CALCRL: variants seen among roughly 807,000 people sequenced by gnomAD.
The protein encoded by CALCRL is calcitonin gene-related peptide type 1 receptor.
Under a neutral mutation model 60.4 loss-of-function variants are expected in CALCRL, and 27 were observed. The ratio of observed to expected loss-of-function variants is 0.45; its 90% confidence interval spans 0.33 to 0.62. CALCRL has a LOEUF of 0.62. CALCRL is among the 20% of genes least tolerant of loss of function. The pLI, the probability that CALCRL is intolerant of heterozygous loss-of-function variation, is 0.03. For missense variants in CALCRL, 424 were observed against 540.7 expected (o/e 0.78, Z 2.14); for synonymous variants, 190 against 182.6 (o/e 1.04, Z -0.33).
In CALCRL at chr2:187,344,233, G is replaced by A. The variant is rs539134541; in HGVS notation, c.*1951C>T. ...TATGGCAGCTTGCTATGAAATTCATGTTTCAAACAAAACAATACTTTTTCA... is the reference window on the plus strand; with the variant it reads ...TATGGCAGCTTGCTATGAAATTCATATTTCAAACAAAACAATACTTTTTCA... On this transcript the variant is annotated 3_prime_UTR_variant, in exon 15 of 15. Transcript: ENST00000392370. 28 of 151,752 alleles carry A rather than the reference G, an allele frequency of 1.8e-4. No individual in the cohort carries two copies. Among genetic ancestry groups the A allele is most frequent in the Non-Finnish European group, 3.3e-4 (22 of 67,672 alleles). 9.4% of individuals were successfully genotyped at this position (151,752 alleles called of 1,614,324 possible).
rs114131506 is a variant in CALCRL at position 187,345,676 on chromosome 2, C to T, written c.*508G>A. On this transcript the variant is annotated 3_prime_UTR_variant, in exon 15 of 15. Coordinates refer to ENST00000392370, the MANE Select transcript of CALCRL (RefSeq NM_005795.6). ...GAGAGGGTAGTTACAAAAAGGACTA[C>T]GGCACTCTGGGCAAAAAAAAAGTCA... 1,403 of 112,788 alleles carry T rather than the reference C, an allele frequency of 0.012. 20 individuals are homozygous for T. The highest frequency in any genetic ancestry group is 0.037 in the African/African-American group (1,317 of 35,894). The allele number at this position is 112,788 out of a possible 1,614,324, so 7.0% of individuals were successfully genotyped here.
At chr2:187,382,344 C>T (rs1688017312) in intron 5 of CALCRL, among the ~76,000 whole-genome samples, 1 of 152,100 alleles carries the variant, frequency 6.6e-6, no homozygotes, top group African/African-American at 2.4e-5. Context: ...TGCAATGATT[C>T]CAAACTTCTC....
intron 8 of CALCRL, among the ~76,000 whole-genome samples, chr2:187,365,607 A>G (rs1687243328): frequency 6.6e-6 from 1 of 152,216 alleles, no homozygotes; most frequent in Admixed American, 6.5e-5. Context: ...ACTATGACGA[A>G]AAGATTGAGA....
chr2:187,420,557 G>A (rs1257713846), intron 1 of CALCRL, among the ~76,000 whole-genome samples: 1 of 151,812 alleles, frequency 6.6e-6, no homozygotes, highest in African/African-American at 2.4e-5. Context: ...CAATAAATCA[G>A]TAGGGCCTCA....
At chr2:187,389,061 T>C (rs887325337) in intron 1 of CALCRL, among the ~76,000 whole-genome samples, 7 of 98,986 alleles carry the variant, frequency 7.1e-5, no homozygotes, top group Non-Finnish European at 1.3e-4. Context: ...TCTCTATTAC[T>C]TCTTCTTCTT....
At chr2:187,350,310 A>G (rs1686469005) in intron 14 of CALCRL, among the ~76,000 whole-genome samples, 1 of 151,584 alleles carries the variant, frequency 6.6e-6, no homozygotes, top group South Asian at 2.1e-4. Flanking sequence ...CATCCTATAC[A>G]AGTAGCATTT....
intron 1 of CALCRL, among the ~76,000 whole-genome samples, chr2:187,389,397 A>C (rs969444667): frequency 3.3e-5 from 5 of 152,032 alleles, no homozygotes; most frequent in Non-Finnish European, 7.4e-5. Flanking sequence ...AATAATCACT[A>C]GTATGTTTCT....
intron 1 of CALCRL, among the ~76,000 whole-genome samples, chr2:187,416,917 C>T (rs1689638490): frequency 6.6e-6 from 1 of 152,058 alleles, no homozygotes; most frequent in South Asian, 2.1e-4. Context: ...GTTGATTTGA[C>T]TTCACCTAGG....
intron 1 of CALCRL, among the ~76,000 whole-genome samples, chr2:187,432,286 C>T (rs893945957): frequency 9.2e-5 from 14 of 152,120 alleles, no homozygotes; most frequent in African/African-American, 3.4e-4. Flanking sequence ...GCTAGTTTAC[C>T]TTGCTTTGCA....
intron 14 of CALCRL, among the ~76,000 whole-genome samples, chr2:187,348,112 C>T (rs923446448): frequency 6.6e-6 from 1 of 151,614 alleles, no homozygotes; most frequent in Non-Finnish European, 1.5e-5. Context: ...ATTAAACTTT[C>T]CTCTCAATTT....
At chr2:187,408,911 A>C (rs1383086223) in intron 1 of CALCRL, among the ~76,000 whole-genome samples, 3 of 152,068 alleles carry the variant, frequency 2.0e-5, no homozygotes, top group Admixed American at 1.3e-4. Flanking sequence ...ATAATATTTT[A>C]TAGAAATATA....
intron 1 of CALCRL, among the ~76,000 whole-genome samples, chr2:187,396,394 C>G (rs1688654034): frequency 6.6e-6 from 1 of 151,650 alleles, no homozygotes; most frequent in Non-Finnish European, 1.5e-5. Flanking sequence ...GTTCATGTAC[C>G]CTAAGCTAAA....
At chr2:187,404,504 AT>A (rs954080668) in intron 1 of CALCRL, among the ~76,000 whole-genome samples, 2,372 of 145,084 alleles carry the variant, frequency 0.016, 27 homozygotes, top group African/African-American at 0.033. Flanking sequence ...ACTTTTATTT[AT>A]TTTTTTTTTT....
chr2:187,349,980 T>C (rs1309179396), intron 14 of CALCRL, among the ~76,000 whole-genome samples: 1 of 151,740 alleles, frequency 6.6e-6, no homozygotes. Flanking sequence ...CTTGTATTTA[T>C]TTTTCTGAGA....
intron 1 of CALCRL, among the ~76,000 whole-genome samples, chr2:187,401,618 A>G (rs1688890170): frequency 6.6e-6 from 1 of 151,656 alleles, no homozygotes; most frequent in South Asian, 2.1e-4. Context: ...CCTTAATTTT[A>G]GATAGGATCT....
At chr2:187,361,790 A>G (rs921160182) in intron 9 of CALCRL, among the ~76,000 whole-genome samples, 5 of 151,988 alleles carry the variant, frequency 3.3e-5, no homozygotes, top group African/African-American at 7.2e-5. Context: ...ACATCAATCA[A>G]ATCTACAACC....
intron 1 of CALCRL, among the ~76,000 whole-genome samples, chr2:187,402,443 G>C (rs1340953268): frequency 6.7e-6 from 1 of 149,042 alleles, no homozygotes; most frequent in African/African-American, 2.4e-5. Flanking sequence ...GTGTATGTGA[G>C]AGAGAGAGAG....
chr2:187,352,885 A>G (rs1423253297), intron 12 of CALCRL, among the ~76,000 whole-genome samples: 2 of 151,946 alleles, frequency 1.3e-5, no homozygotes, highest in African/African-American at 2.4e-5. Context: ...TTTACTTATG[A>G]GGGAACTTTG....
chr2:187,391,845 T>C (rs1441616367), intron 1 of CALCRL, among the ~76,000 whole-genome samples: 1 of 152,106 alleles, frequency 6.6e-6, no homozygotes, highest in Non-Finnish European at 1.5e-5. Context: ...CCTTTTGAAA[T>C]ATTACTGCCT....
Sources: gnomAD v4.1 joint callset for allele counts (sites outside exome capture counted in the v4.1 genomes callset) on GRCh38, gnomAD v4.1.1 for gene constraint, MANE v1.5 for transcripts, NCBI Gene and HGNC (gene_info 2026-07-23, HGNC 2026-07-21) for gene names.